Variants in NLGN4Y observed in about 807,000 individuals in gnomAD.
NLGN4Y encodes the protein neuroligin 4 Y-linked.
Under a neutral mutation model 8.4 loss-of-function variants are expected in NLGN4Y, and 4 were observed. The observed-to-expected ratio is 0.48, with a 90% confidence interval of 0.23 to 1.09. NLGN4Y has a LOEUF of 1.09. Among genes scored for constraint, NLGN4Y ranks in the 50% least tolerant of loss-of-function variants. The probability of loss-of-function intolerance (pLI) is 0.19; values close to 1 mark genes in which losing one functional copy is unlikely to be tolerated. For synonymous variants in NLGN4Y, 35 were observed against 75.6 expected (o/e 0.46, Z 2.78); for missense variants, 90 against 192.3 (o/e 0.47, Z 3.15).
At chrY:14,606,573 C>T (rs1161522208) in intron 1 of NLGN4Y, among the ~76,000 whole-genome samples, 1 of 33,139 alleles carries the variant, frequency 3.0e-5, no homozygotes, top group Non-Finnish European at 7.4e-5. Flanking sequence ...TTGAGGAATT[C>T]ATACTTTTGG....
intron 4 of NLGN4Y, among the ~76,000 whole-genome samples, chrY:14,735,335 A>G: frequency 1.5e-4 from 5 of 33,845 alleles, no homozygotes; most frequent in Non-Finnish European, 3.7e-4. Flanking sequence ...GTGGGTGGCT[A>G]TCTTCATGCT....
intron 2 of NLGN4Y, among the ~76,000 whole-genome samples, chrY:14,630,061 T>C: frequency 3.0e-5 from 1 of 33,721 alleles, no homozygotes; most frequent in African/African-American, 1.2e-4. Context: ...GCATGGCACC[T>C]GACTTCTTCA....
chrY:14,574,485 G>A (rs2080288803), intron 1 of NLGN4Y, among the ~76,000 whole-genome samples: 1 of 32,873 alleles, frequency 3.0e-5, no homozygotes, highest in Admixed American at 2.8e-4. Context: ...GCCTATCTGT[G>A]TCTGTGCACA....
At chrY:14,549,231 T>G (rs2080183249) in intron 1 of NLGN4Y, among the ~76,000 whole-genome samples, 1 of 33,116 alleles carries the variant, frequency 3.0e-5, no homozygotes, top group South Asian at 6.8e-4. Context: ...TAACAGTTAC[T>G]TCCATTTCTT....
At chrY:14,620,743 G>A (rs973828633) in intron 1 of NLGN4Y, among the ~76,000 whole-genome samples, 10 of 33,659 alleles carry the variant, frequency 3.0e-4, no homozygotes, top group Non-Finnish European at 5.9e-4. Flanking sequence ...CTAGTGAAAC[G>A]TTTTCTGTCC....
intron 2 of NLGN4Y, among the ~76,000 whole-genome samples, chrY:14,628,044 G>T (rs2080535056): frequency 3.1e-5 from 1 of 32,523 alleles, no homozygotes; most frequent in Admixed American, 2.8e-4. Flanking sequence ...GAGGGAGGTT[G>T]CAGTGACCCA....
chrY:14,582,928 A>G (rs2080325214), intron 1 of NLGN4Y, among the ~76,000 whole-genome samples: 1 of 34,203 alleles, frequency 2.9e-5, no homozygotes, highest in Non-Finnish European at 7.3e-5. Flanking sequence ...CTTAGTCTTA[A>G]GATAGCACTC....
Position 14,719,484 on chromosome Y carries a change from C to A in NLGN4Y, c.498C>A (p.Asp166Glu). Residue 166 changes from aspartate (D) to glutamate (E), a missense_variant, in exon 3 of 7, where the codon GAC becomes GAA. Asp to Glu is a conservative substitution (Grantham distance 45). Around this residue, in one of 4 missense-constraint regions of NLGN4Y, gnomAD observed 37 missense variants for 38.5 expected, o/e 0.96. Transcript: ENST00000684976. Reference sequence around the variant, plus strand: ...GAACCAACATAAAGAGAAATGCAGACGATATAACCAGTAATGACCATGGTG... The same window carrying A: ...GAACCAACATAAAGAGAAATGCAGAAGATATAACCAGTAATGACCATGGTG... ...EDGTNIKRNA[D>E]DITSNDHGED... 2.8e-6 allele frequency: 1 copy of A among 353,008 alleles called. No homozygotes were observed. The highest frequency in any genetic ancestry group is 9.5e-5 in the Admixed American group (1 of 10,544). The allele number at this position is 353,008 out of a possible 400,897, so 88.1% of individuals were successfully genotyped here.
chrY:14,784,064 T>TA (rs2042951960), intron 4 of NLGN4Y, among the ~76,000 whole-genome samples: 1 of 34,237 alleles, frequency 2.9e-5, no homozygotes, highest in African/African-American at 1.1e-4. Flanking sequence ...CTAAACAAAA[T>TA]ACCTTTGTTC....
At chrY:14,591,075 C>T in intron 1 of NLGN4Y, among the ~76,000 whole-genome samples, 2 of 32,682 alleles carry the variant, frequency 6.1e-5, no homozygotes, top group African/African-American at 1.2e-4. Flanking sequence ...TACGGCTCTG[C>T]GCTGACGGAC....
intron 4 of NLGN4Y, among the ~76,000 whole-genome samples, chrY:14,817,955 C>T (rs1015561506): frequency 9.2e-5 from 3 of 32,443 alleles, no homozygotes; most frequent in Non-Finnish European, 2.2e-4. Context: ...ACTAACAATT[C>T]GGTTTTTGTA....
At chrY:14,639,522 A>G in intron 2 of NLGN4Y, 3 of 230,564 alleles carry the variant, frequency 1.3e-5, no homozygotes, top group Non-Finnish European at 2.2e-5. Context: ...AGATGAGGCT[A>G]CCTTCAGTAA....
chrY:14,828,983 C>T (rs2043159605), intron 5 of NLGN4Y, among the ~76,000 whole-genome samples: 2 of 31,146 alleles, frequency 6.4e-5, no homozygotes, highest in Non-Finnish European at 1.5e-4. Flanking sequence ...AAGTTTCTCA[C>T]CAAGTGGAGA....
At chrY:14,637,845 GT>G (rs1218191228) in intron 2 of NLGN4Y, among the ~76,000 whole-genome samples, 154 of 21,194 alleles carry the variant, frequency 7.3e-3, no homozygotes, top group African/African-American at 0.018. Flanking sequence ...GGTTGCCTAT[GT>G]TTTTTTTTTT....
chrY:14,560,094 TTGTGTGTGTGTA>T (rs2080222221), intron 1 of NLGN4Y, among the ~76,000 whole-genome samples: 1 of 32,771 alleles, frequency 3.1e-5, no homozygotes, highest in Non-Finnish European at 7.6e-5. Flanking sequence ...CTGTGTGTGT[TTGTGTGTGTGTA>T]TGTGTGTTCT....
At position 14,719,480 on chromosome Y, in the gene NLGN4Y, C is replaced by T; in HGVS notation, c.494C>T (p.Ala165Val). Residue 165 changes from alanine (A) to valine (V), a missense_variant, in exon 3 of 7, where the codon GCA (alanine) becomes GTA (valine). Ala to Val is a moderately conservative substitution (Grantham distance 64, BLOSUM62 0). Transcript: ENST00000684976. ...CCAGGAACCAACATAAAGAGAAATG[C>T]AGACGATATAACCAGTAATGACCAT... The part of the protein sequence containing the change: ...MEDGTNIKRN[A>V]DDITSNDHGE... The T allele has an allele frequency of 2.8e-6, 1 of 355,929 alleles. No homozygotes were observed. The highest frequency in any genetic ancestry group is 3.9e-6 in the Non-Finnish European group (1 of 256,852). 88.8% of individuals were successfully genotyped at this position (355,929 alleles called of 400,897 possible).
intron 1 of NLGN4Y, among the ~76,000 whole-genome samples, chrY:14,599,142 TAA>T (rs2080418062): frequency 7.1e-5 from 2 of 28,295 alleles, no homozygotes; most frequent in South Asian, 1.6e-3. Context: ...TGATAAGTGA[TAA>T]AGAGTAGTGT....
chrY:14,531,394 A>C (rs780269799), intron 1 of NLGN4Y, among the ~76,000 whole-genome samples: 35 of 32,356 alleles, frequency 1.1e-3, no homozygotes, highest in African/African-American at 3.8e-3. Context: ...TACTTGAATA[A>C]AACTGTCATC....
At chrY:14,725,167 A>T in intron 4 of NLGN4Y, among the ~76,000 whole-genome samples, 3 of 33,621 alleles carry the variant, frequency 8.9e-5, no homozygotes, top group African/African-American at 3.5e-4. Flanking sequence ...GTGCTTTCAG[A>T]TGCTTCCATT....
Sources: allele counts gnomAD v4.1 joint callset (sites outside exome capture counted in the v4.1 genomes callset), GRCh38; gene constraint gnomAD v4.1.1; regional missense constraint gnomAD v4.1.1; transcripts MANE v1.5; gene names NCBI Gene and HGNC (gene_info 2026-07-23, HGNC 2026-07-21).